The following CACNA1B variants were observed in gnomAD, a reference collection of about 807,000 sequenced individuals.
CACNA1B encodes voltage-dependent N-type calcium channel subunit alpha-1B.
In CACNA1B, 70 loss-of-function variants were observed where a neutral mutation model predicts 247.2. The ratio of observed to expected loss-of-function variants is 0.28; its 90% CI spans 0.23 to 0.35. The LOEUF is 0.35. Among genes scored for constraint, CACNA1B ranks in the 10% least tolerant of loss-of-function variants. The probability of loss-of-function intolerance (pLI) is 1.00; values close to 1 mark genes in which losing one functional copy is unlikely to be tolerated. For synonymous variants in CACNA1B, 1,231 were observed against 1,294.4 expected (o/e 0.95, Z 1.05); for missense variants, 2,367 against 3,197.4 (o/e 0.74, Z 6.26).
chr9:138,022,816 G>GGT (rs1491037872), intron 18 of CACNA1B, among the ~76,000 whole-genome samples, 195 bp from the exon 19 acceptor site: 1 of 149,346 alleles, frequency 6.7e-6, no homozygotes, highest in Non-Finnish European at 1.5e-5. Context: ...GGGGGGGGGG[G>GGT]GCGGCGGGGC....
At chr9:138,019,642 G>A (rs1480340610) in intron 18 of CACNA1B, among the ~76,000 whole-genome samples, 1 of 151,300 alleles carries the variant, frequency 6.6e-6, no homozygotes, top group Non-Finnish European at 1.5e-5. Context: ...GGCCCCTGCC[G>A]CCCCCGCCCT....
chr9:138,037,340 A>G lies in CACNA1B; in HGVS notation c.3287-6434A>G, dbSNP rs78074235. 1.1e-3 allele frequency among the ~76,000 whole-genome samples: 171 copies of G among 152,278 alleles called. 5 individuals are homozygous for G. The East Asian group carries it at 0.029, about 26-fold the overall frequency. ...CCAGGAGCACCCACTAGTTGTGACA[A>G]CCAAAGGATGTCTAGAGACCGTTGT... On this transcript the variant is annotated intron_variant, in intron 20 of 46. Transcript: ENST00000371372.
intron 31 of CACNA1B, among the ~76,000 whole-genome samples, chr9:138,067,331 T>G (rs1444622132): frequency 6.6e-6 from 1 of 152,204 alleles, no homozygotes; most frequent in African/African-American, 2.4e-5. Flanking sequence ...TTAAACAGAT[T>G]TTTCTAGAGA....
rs1414295864 is a variant in CACNA1B, at chr9:138,082,778, A to G, written c.5094+4520A>G. On this transcript the variant is annotated intron_variant, in intron 36 of 46. Transcript: ENST00000371372. ...CTTCCACCTAGTGCTTGTCCTTCTC[A>G]AAAAGACAGAACAATGAACAAAAAA... Among the ~76,000 whole-genome samples the G allele has an allele frequency of 4.6e-5, 7 of 151,342 alleles. 1 individual carries two copies. The highest frequency in any genetic ancestry group is 1.3e-4 in the Admixed American group (2 of 15,240).
intron 16 of CACNA1B, among the ~76,000 whole-genome samples, chr9:138,009,283 G>C (rs963666445): frequency 3.3e-5 from 5 of 152,248 alleles, no homozygotes; most frequent in African/African-American, 4.8e-5. Context: ...TGGGAGGTCA[G>C]TTGAGGCAAG....
At chr9:138,079,874 CAAAAA>C (rs145080243) in intron 36 of CACNA1B, among the ~76,000 whole-genome samples, 1 of 115,922 alleles carries the variant, frequency 8.6e-6, no homozygotes, top group Admixed American at 9.9e-5. Context: ...GACTCTGTCT[CAAAAA>C]AAAAAAAAAA....
intron 3 of CACNA1B, among the ~76,000 whole-genome samples, chr9:137,904,352 C>CTTTT (rs11351694): frequency 6.6e-4 from 53 of 80,418 alleles, no homozygotes; most frequent in Non-Finnish European, 9.2e-4. Context: ...CTCTCTCTCT[C>CTTTT]TTTTTTTTTT....
intron 35 of CACNA1B, among the ~76,000 whole-genome samples, chr9:138,077,753 T>C (rs1262596322): frequency 6.6e-6 from 1 of 152,108 alleles, no homozygotes; most frequent in Non-Finnish European, 1.5e-5. Flanking sequence ...ACAGTTTTGG[T>C]TGGAGCAGCT....
chr9:137,959,074 A>T (rs1343285366), intron 10 of CACNA1B, among the ~76,000 whole-genome samples: 3 of 151,956 alleles, frequency 2.0e-5, no homozygotes, highest in South Asian at 4.1e-4. Flanking sequence ...TATTTTATTT[A>T]ATTAATTTTT....
rs901388526 is a variant in CACNA1B, at chr9:138,052,744, G to T, written c.3807+556G>T. ...AGACCTGAGGCAATGGGGACTTAGA[G>T]AAGAAAGTTTGTTTAGAACCTGTAT... On this transcript the variant is annotated intron_variant, in intron 25 of 46. Transcript: ENST00000371372. The surrounding 1 kb of genome is among the most constrained non-coding windows in gnomAD (Gnocchi z 5.1). Among the ~76,000 whole-genome samples, 12 of 152,228 alleles carry T rather than the reference G, an allele frequency of 7.9e-5. No individual in the cohort carries two copies. Among genetic ancestry groups the T allele is most frequent in the African/African-American group, 2.7e-4 (11 of 41,456 alleles).
rs200675731 is a variant in CACNA1B at position 137,955,824 on chromosome 9, G to T, written c.1186+11G>T. 4.5e-6 allele frequency: 7 copies of T among 1,541,966 alleles called. No individual in the cohort carries two copies. The highest frequency in any genetic ancestry group is 3.6e-5 in the Admixed American group (2 of 56,114). On this transcript the variant is annotated intron_variant, in intron 8 of 46. Transcript: ENST00000371372. The surrounding 1 kb of genome is among the most constrained non-coding windows in gnomAD (Gnocchi z 6.9). ...GGATCTTCAAGGCGGGTGAGGGCCCGTGGGAGCCACTGCACTCCTGGCCGG... is the reference window on the plus strand; with the variant it reads ...GGATCTTCAAGGCGGGTGAGGGCCCTTGGGAGCCACTGCACTCCTGGCCGG...
intron 12 of CACNA1B, among the ~76,000 whole-genome samples, chr9:137,981,519 C>T (rs11137330): frequency 0.31 from 47,676 of 152,040 alleles, 9,868 homozygotes; most frequent in East Asian, 0.65. Context: ...CTCTGTTGCC[C>T]AGGTTGGGGT....
intron 3 of CACNA1B, among the ~76,000 whole-genome samples, chr9:137,906,566 CTTAT>C (rs1271103949): frequency 1.3e-5 from 2 of 151,108 alleles, no homozygotes; most frequent in African/African-American, 4.9e-5. Context: ...CGTGTGATGC[CTTAT>C]TTAACATATG....
intron 40 of CACNA1B, 22 bp downstream of exon 40, chr9:138,112,527 G>GC (rs756516798): frequency 7.0e-7 from 1 of 1,431,592 alleles, no homozygotes; most frequent in Non-Finnish European, 9.9e-7. Flanking sequence ...GGTGAGAAAT[G>GC]CCCCCAGCCC....
At chr9:138,115,922 A>G (rs1326863847) in intron 42 of CACNA1B, among the ~76,000 whole-genome samples, 1 of 152,236 alleles carries the variant, frequency 6.6e-6, no homozygotes, top group East Asian at 1.9e-4. Context: ...GCTTTGCTAC[A>G]GATGCTTGTT....
At chr9:138,016,861 G>T (rs1455872564) in intron 18 of CACNA1B, among the ~76,000 whole-genome samples, 1 of 152,270 alleles carries the variant, frequency 6.6e-6, no homozygotes, top group Non-Finnish European at 1.5e-5. Context: ...CTGAGTGATG[G>T]ATGGGCCCCC....
chr9:137,910,487 G>A (rs761847215), intron 3 of CACNA1B, among the ~76,000 whole-genome samples: 2 of 152,064 alleles, frequency 1.3e-5, no homozygotes, highest in Non-Finnish European at 2.9e-5. Context: ...CATTTATTGT[G>A]CACTTTGTTT....
At position 138,058,989 on chromosome 9, in the gene CACNA1B, G is replaced by T. The variant is rs894972643; in HGVS notation, c.4474-90G>T. The stretch of plus-strand genomic sequence containing the variant: ...CAGGCCTAGGCAGGCATCGAGTTCT[G>T]TCTGCCCGCTTTGCTTGGTCATAGT... On this transcript the variant is annotated intron_variant, in intron 29 of 46. Transcript: ENST00000371372. The surrounding 1 kb of genome is among the most constrained non-coding windows in gnomAD (Gnocchi z 4.7). The T allele has an allele frequency of 1.2e-6, 1 of 818,986 alleles. No individual in the cohort carries two copies. The highest frequency in any genetic ancestry group is 2.1e-6 in the Non-Finnish European group (1 of 483,766). 50.7% of individuals were successfully genotyped at this position (818,986 alleles called of 1,614,324 possible).
chr9:138,107,264 T>TTATTTATA (rs1250218666), intron 39 of CACNA1B, among the ~76,000 whole-genome samples: 3 of 81,726 alleles, frequency 3.7e-5, no homozygotes, highest in Non-Finnish European at 8.1e-5. Flanking sequence ...ATTTATTTAT[T>TTATTTATA]TATATAGGGT....
Sources: allele counts gnomAD v4.1 joint callset (sites outside exome capture counted in the v4.1 genomes callset), GRCh38; gene constraint gnomAD v4.1.1; non-coding constraint Gnocchi (gnomAD v3.1); transcripts MANE v1.5; gene names NCBI Gene and HGNC (gene_info 2026-07-23, HGNC 2026-07-21).